KCNQ3: variants seen among roughly 807,000 people sequenced by gnomAD.
KCNQ3 encodes potassium voltage-gated channel subfamily KQT member 3.
Under a neutral mutation model 92.5 loss-of-function variants are expected in KCNQ3, and 30 were observed. The observed-to-expected ratio is 0.32, with a 90% CI of 0.24 to 0.44. The LOEUF (loss-of-function observed/expected upper bound fraction) is 0.44. Ranked by LOEUF, KCNQ3 falls within the 20% of genes least tolerant of loss-of-function variation. KCNQ3 has a pLI of 1.00. For missense variants in KCNQ3, 913 were observed against 1,140.3 expected, an observed-to-expected ratio of 0.80 and a Z score of 2.87; for synonymous variants, 450 against 468.8, an observed-to-expected ratio of 0.96 and a Z score of 0.52.
At chr8:132,233,543 T>A (rs76197503) in intron 1 of KCNQ3, among the ~76,000 whole-genome samples, 82 of 152,328 alleles carry the variant, frequency 5.4e-4, no homozygotes, top group African/African-American at 1.9e-3. Context: ...GACTCATGGC[T>A]AATATATCAC....
intron 1 of KCNQ3, among the ~76,000 whole-genome samples, chr8:132,411,503 C>A (rs1179267212): frequency 6.6e-6 from 1 of 152,120 alleles, no homozygotes; most frequent in East Asian, 1.9e-4. Context: ...TGGAGAGGCA[C>A]TGCAGGGGTA....
At chr8:132,232,862 C>T (rs1814686822) in intron 1 of KCNQ3, among the ~76,000 whole-genome samples, 1 of 152,174 alleles carries the variant, frequency 6.6e-6, no homozygotes. Flanking sequence ...GGTTTTTCCT[C>T]ATAAAAAGGT....
At chr8:132,312,428 T>C (rs1817622055) in intron 1 of KCNQ3, among the ~76,000 whole-genome samples, 1 of 152,078 alleles carries the variant, frequency 6.6e-6, no homozygotes. Context: ...GTCTGGGGGA[T>C]GCAGCTACCA....
chr8:132,227,553 T>G (rs1237654982), intron 1 of KCNQ3, among the ~76,000 whole-genome samples: 2 of 152,212 alleles, frequency 1.3e-5, no homozygotes, highest in Admixed American at 1.3e-4. Flanking sequence ...GAAAAATAAG[T>G]TTCTGCAGTT....
intron 1 of KCNQ3, among the ~76,000 whole-genome samples, chr8:132,311,093 C>T (rs1486747232): frequency 6.6e-6 from 1 of 152,100 alleles, no homozygotes; most frequent in East Asian, 1.9e-4. Flanking sequence ...AGTGCTGCCA[C>T]ACCCAGCTAA....
intron 1 of KCNQ3, among the ~76,000 whole-genome samples, chr8:132,214,625 T>A (rs1362541413): frequency 6.6e-6 from 1 of 151,814 alleles, no homozygotes; most frequent in Admixed American, 6.6e-5. Flanking sequence ...TTTAGGAGAA[T>A]TCCTTTTTCA....
chr8:132,302,314 T>C (rs140157027), intron 1 of KCNQ3, among the ~76,000 whole-genome samples: 114 of 152,316 alleles, frequency 7.5e-4, no homozygotes, highest in African/African-American at 2.5e-3. Context: ...ATTTCCCTCT[T>C]CTACTGAAAG....
chr8:132,242,861 C>A (rs1586858231), intron 1 of KCNQ3, among the ~76,000 whole-genome samples: 1 of 152,296 alleles, frequency 6.6e-6, no homozygotes, highest in East Asian at 1.9e-4. Context: ...GTGGAGTAGA[C>A]TTCATTTTCC....
intron 1 of KCNQ3, among the ~76,000 whole-genome samples, chr8:132,303,532 G>A (rs1817289272): frequency 8.6e-6 from 1 of 116,678 alleles, no homozygotes; most frequent in South Asian, 3.1e-4. Context: ...TGTCTAGGCA[G>A]AGGGAGCACT....
intron 1 of KCNQ3, among the ~76,000 whole-genome samples, chr8:132,297,229 G>C (rs1231346219): frequency 6.6e-6 from 1 of 152,036 alleles, no homozygotes; most frequent in Non-Finnish European, 1.5e-5. Flanking sequence ...CCCACTTTTT[G>C]ATGGGGTTGT....
At chr8:132,306,504 C>T (rs1009482365) in intron 1 of KCNQ3, among the ~76,000 whole-genome samples, 3 of 152,290 alleles carry the variant, frequency 2.0e-5, no homozygotes, top group African/African-American at 7.2e-5. Context: ...TGGGGTGCCA[C>T]CCGGAAACCT....
At chr8:132,245,246 T>C (rs1015099204) in intron 1 of KCNQ3, among the ~76,000 whole-genome samples, 2 of 152,126 alleles carry the variant, frequency 1.3e-5, no homozygotes, top group Non-Finnish European at 2.9e-5. Flanking sequence ...AGAGAGAGTA[T>C]ATGTGAAATA....
At chr8:132,130,440 A>G (rs112390613) in intron 14 of KCNQ3, among the ~76,000 whole-genome samples, 21 of 152,314 alleles carry the variant, frequency 1.4e-4, no homozygotes, top group African/African-American at 5.1e-4. Context: ...GCAACTCTTA[A>G]TAATAGAAAC....
intron 1 of KCNQ3, among the ~76,000 whole-genome samples, chr8:132,458,292 C>T (rs1212393717): frequency 2.0e-5 from 3 of 152,206 alleles, no homozygotes; most frequent in Non-Finnish European, 4.4e-5. Context: ...AAACACCTTC[C>T]CATCATATCT....
At chr8:132,323,955 C>T (rs1182224249) in intron 1 of KCNQ3, among the ~76,000 whole-genome samples, 5 of 152,218 alleles carry the variant, frequency 3.3e-5, no homozygotes, top group East Asian at 1.9e-4. Context: ...TGACCCTTGA[C>T]GATCTCTTCA....
chr8:132,468,073 T>C (rs1359487547), intron 1 of KCNQ3, among the ~76,000 whole-genome samples: 2 of 152,228 alleles, frequency 1.3e-5, no homozygotes, highest in Non-Finnish European at 2.9e-5. Context: ...GCTGGGACCA[T>C]AAATCCCACA....
chr8:132,368,475 A>G (rs1048662896), intron 1 of KCNQ3, among the ~76,000 whole-genome samples: 1 of 152,266 alleles, frequency 6.6e-6, no homozygotes. Context: ...AAACACAGGA[A>G]GACCCTGTCT....
In KCNQ3 at chr8:132,216,106, T is replaced by G. The variant is rs190548758; in HGVS notation, c.387-29925A>C. Among the ~76,000 whole-genome samples, 14 of 152,254 alleles carry G rather than the reference T, an allele frequency of 9.2e-5. No homozygotes were observed. In the East Asian group the frequency reaches 2.5e-3, roughly 27 times the overall value. On this transcript the variant is annotated intron_variant, in intron 1 of 14. Transcript: ENST00000388996. ...TATCAGGAGCTGTATTATGCAGTAC[T>G]TGGAAGAGCCACAGAATAGGGGCCT...
intron 1 of KCNQ3, among the ~76,000 whole-genome samples, chr8:132,479,039 T>C (rs574436099): frequency 3.3e-5 from 5 of 152,150 alleles, no homozygotes; most frequent in Non-Finnish European, 5.9e-5. Context: ...ACAGTACAGC[T>C]TCCTAGAAGC....
Sources: allele counts gnomAD v4.1 joint callset (sites outside exome capture counted in the v4.1 genomes callset), GRCh38; gene constraint gnomAD v4.1.1; transcripts MANE v1.5; gene names NCBI Gene and HGNC (gene_info 2026-07-23, HGNC 2026-07-21).